The following MPHOSPH9 variants were observed in gnomAD, a reference collection of about 807,000 sequenced individuals.
MPHOSPH9 encodes M-phase phosphoprotein 9.
Under a neutral mutation model 145.5 loss-of-function variants are expected in MPHOSPH9, and 88 were observed. That is an observed-to-expected ratio of 0.60 (90% confidence interval 0.51 to 0.72). The LOEUF is 0.72. Ranked by LOEUF, MPHOSPH9 falls within the 30% of genes least tolerant of loss-of-function variation. MPHOSPH9 has a pLI of 0.00. For missense variants in MPHOSPH9, 1,238 were observed against 1,386.6 expected (o/e 0.89, Z 1.70); for synonymous variants, 435 against 486.2 (o/e 0.89, Z 1.39).
chr12:123,170,906 C>T (rs2044549039), intron 16 of MPHOSPH9, among the ~76,000 whole-genome samples: 1 of 152,166 alleles, frequency 6.6e-6, no homozygotes. Flanking sequence ...ATATCTTTGC[C>T]AAACGTTAAA....
chr12:123,239,671 G>A (rs1291399313), intron 1 of MPHOSPH9, among the ~76,000 whole-genome samples: 1 of 152,136 alleles, frequency 6.6e-6, no homozygotes, highest in Admixed American at 6.5e-5. Context: ...CAAAGTGCTG[G>A]GATTACAGGC....
intron 16 of MPHOSPH9, among the ~76,000 whole-genome samples, chr12:123,169,806 G>A (rs937482383): frequency 6.6e-6 from 1 of 151,616 alleles, no homozygotes; most frequent in African/African-American, 2.4e-5. Context: ...TCACCATGTT[G>A]GCCAAACTCC....
In MPHOSPH9 at chr12:123,206,526, AGAGAT is replaced by A. The variant is rs57058022; in HGVS notation, c.1195-3156_1195-3152del. 1.8e-4 allele frequency among the ~76,000 whole-genome samples: 15 copies of A among 85,684 alleles called. No homozygotes were observed. The East Asian group carries it at 3.6e-3, about 21-fold the overall frequency. The allele number at this position is 85,684 out of a possible 152,430, so 56.2% of individuals were successfully genotyped here. On this transcript the variant is annotated intron_variant, in intron 8 of 23. Coordinates refer to ENST00000606320, the MANE Select transcript of MPHOSPH9 (RefSeq NM_022782.4). ...GGAGAGGAGAGGAGAAGAGAAGAGA[AGAGAT>A]GAGAAGAGAAGAGTATAACACTCTG...
At chr12:123,232,374 CA>C (rs1010640872) in intron 1 of MPHOSPH9, among the ~76,000 whole-genome samples, 14 of 152,046 alleles carry the variant, frequency 9.2e-5, no homozygotes, top group Admixed American at 3.3e-4. Flanking sequence ...AAATACAATG[CA>C]AAAAAAAATT....
At position 123,230,245 on chromosome 12, in the gene MPHOSPH9, T is replaced by A. The variant is rs1461940113; in HGVS notation, c.104+16A>T. 44 of 1,348,090 alleles carry A rather than the reference T, an allele frequency of 3.3e-5. No homozygotes were observed. The highest frequency in any genetic ancestry group is 3.9e-5 in the Non-Finnish European group (38 of 986,436). 83.5% of individuals were successfully genotyped at this position (1,348,090 alleles called of 1,614,324 possible). A position where few individuals can be genotyped will look rare whatever the true frequency, so the allele number is the denominator to read the frequency against. ...TTATTCTGATTTGGTACATTTTTTT[T>A]AAATCCCATTCTTACCTATCAGTAT... On this transcript the variant is annotated intron_variant, in intron 2 of 23. Transcript: ENST00000606320.
intron 18 of MPHOSPH9, 106 bp from the exon 19 acceptor site, chr12:123,164,196 C>T: frequency 7.7e-7 from 1 of 1,306,878 alleles, no homozygotes; most frequent in Non-Finnish European, 1.1e-6. Flanking sequence ...ACACACCAAG[C>T]CCCACAGCTT....
At chr12:123,220,674 T>C (rs2047158936) in intron 5 of MPHOSPH9, among the ~76,000 whole-genome samples, 1 of 152,080 alleles carries the variant, frequency 6.6e-6, no homozygotes, top group Admixed American at 6.6e-5. Context: ...GAGGATCACT[T>C]GAGCCCAGGA....
intron 16 of MPHOSPH9, among the ~76,000 whole-genome samples, chr12:123,172,856 T>C (rs1046164498): frequency 7.0e-6 from 1 of 142,044 alleles, no homozygotes; most frequent in African/African-American, 2.5e-5. Flanking sequence ...TGTTAGACTT[T>C]CAGGTTTTCA....
intron 2 of MPHOSPH9, among the ~76,000 whole-genome samples, chr12:123,228,516 C>G (rs1010833381): frequency 1.3e-5 from 2 of 152,032 alleles, no homozygotes; most frequent in African/African-American, 4.8e-5. Context: ...GGTGAAACAC[C>G]ATCTCTACTA....
chr12:123,176,594 C>A, intron 16 of MPHOSPH9, 94 bp downstream of exon 16: 1 of 916,546 alleles, frequency 1.1e-6, no homozygotes, highest in Non-Finnish European at 1.7e-6. Context: ...ACATTTAACC[C>A]GGACTTTCTT....
chr12:123,162,193 C>G lies in MPHOSPH9; in HGVS notation c.3055G>C (p.Asp1019His), dbSNP rs1186879944. The change falls in exon 21 of 24, where the codon GAT becomes CAT. Residue 1019 changes from aspartate to histidine, a missense_variant. Asp to His is a moderately conservative substitution (Grantham distance 81). Transcript: ENST00000606320. ...TGTAATGTAGACACAGGAACAGTAT[C>G]TAAATCATCCAAAAGTATATCAAAT... ...IRFDILLDDL[D>H]TVPVSTLQRT... The G allele has an allele frequency of 4.6e-6, 7 of 1,537,748 alleles. No homozygotes were observed. In the African/African-American group the frequency reaches 9.6e-5, roughly 21 times the overall value.
At chr12:123,216,985 T>C (rs2046991605) in intron 6 of MPHOSPH9, among the ~76,000 whole-genome samples, 1 of 130,290 alleles carries the variant, frequency 7.7e-6, no homozygotes, top group Admixed American at 9.3e-5. Context: ...CAAGACTCCA[T>C]GTCAAAAAAA....
At chr12:123,178,310 T>C (rs1390044806) in intron 15 of MPHOSPH9, among the ~76,000 whole-genome samples, 1 of 152,226 alleles carries the variant, frequency 6.6e-6, no homozygotes. Flanking sequence ...CTAACAAGAC[T>C]GATGTTTTAT....
intron 19 of MPHOSPH9, chr12:123,163,659 A>C (rs1240741036): frequency 1.1e-5 from 3 of 275,446 alleles, no homozygotes. Context: ...TATTAGTTGC[A>C]AACAATTTAG....
rs373058755 is a variant in MPHOSPH9, at chr12:123,162,418, C to T, written c.3030-200G>A. ...GTATTTACAAACTAAAGACTTAAAA[C>T]ACTTACCCATACATTATCTCATTTG... On this transcript the variant is annotated intron_variant, in intron 20 of 23. Transcript: ENST00000606320. 8 of 359,600 alleles carry T rather than the reference C, an allele frequency of 2.2e-5. No individual in the cohort carries two copies. In the South Asian group the frequency reaches 2.7e-4, roughly 12 times the overall value. 22.3% of individuals were successfully genotyped at this position (359,600 alleles called of 1,614,324 possible).
chr12:123,189,378 G>T (rs1034150513), intron 13 of MPHOSPH9, among the ~76,000 whole-genome samples: 1 of 152,154 alleles, frequency 6.6e-6, no homozygotes, highest in African/African-American at 2.4e-5. Flanking sequence ...AAGATTTGAG[G>T]TTATGAGTTT....
intron 16 of MPHOSPH9, among the ~76,000 whole-genome samples, chr12:123,168,499 G>A (rs2682425): frequency 2.0e-5 from 3 of 147,730 alleles, no homozygotes; most frequent in African/African-American, 7.5e-5. Flanking sequence ...CTGCCACCAC[G>A]CCCGGCTAAT....
chr12:123,190,192 G>A lies in MPHOSPH9; in HGVS notation c.2241+4194C>T, dbSNP rs1034008364. On this transcript the variant is annotated intron_variant, in intron 13 of 23. Coordinates refer to ENST00000606320, the MANE Select transcript of MPHOSPH9 (RefSeq NM_022782.4). ...TTTTGAGATGGAGTCTCGCTCTGTCGCCCAGGCTGGAGTGCAGTGGCGCTA... is the reference window on the plus strand; with the variant it reads ...TTTTGAGATGGAGTCTCGCTCTGTCACCCAGGCTGGAGTGCAGTGGCGCTA... 3.5e-4 allele frequency among the ~76,000 whole-genome samples: 52 copies of A among 147,568 alleles called. 1 individual carries two copies. Among genetic ancestry groups the A allele is most frequent in the African/African-American group, 1.0e-3 (40 of 40,080 alleles).
chr12:123,163,270 G>A (rs1565897080), intron 19 of MPHOSPH9, 136 bp from the exon 20 acceptor site: 1 of 961,818 alleles, frequency 1.0e-6, no homozygotes, highest in East Asian at 3.1e-5. Context: ...AAATAAGAGT[G>A]TACAAAAAAA....
Sources: allele counts gnomAD v4.1 joint callset (sites outside exome capture counted in the v4.1 genomes callset), GRCh38; gene constraint gnomAD v4.1.1; transcripts MANE v1.5; gene names NCBI Gene and HGNC (gene_info 2026-07-23, HGNC 2026-07-21).